Variants in ADNP observed in about 807,000 individuals in gnomAD.
The protein encoded by ADNP is activity dependent neuroprotector homeobox.
In ADNP, 4 loss-of-function variants were observed where a neutral mutation model predicts 84.9. That is an observed-to-expected ratio of 0.05 (90% CI 0.02 to 0.11). ADNP has a LOEUF of 0.11. Among genes scored for constraint, ADNP ranks in the 10% least tolerant of loss-of-function variants. The pLI is 1.00. For synonymous variants in ADNP, 554 were observed against 468.1 expected, an observed-to-expected ratio of 1.18 and a Z score of -2.37; for missense variants, 1,132 against 1,326.0, an observed-to-expected ratio of 0.85 and a Z score of 2.27.
intron 2 of ADNP, among the ~76,000 whole-genome samples, chr20:50,907,338 C>T (rs935277731): frequency 6.7e-6 from 1 of 149,714 alleles, no homozygotes; most frequent in African/African-American, 2.5e-5. Context: ...CAAATCTTGG[C>T]TCACTGCAAC....
chr20:50,892,220 T>G lies in ADNP; in HGVS notation c.2494A>C (p.Asn832His). Reference sequence around the variant, plus strand: ...AAATCCATCTCATGCTTGACTTTATTTAATTCTTTCATGTTAAACCCCAGC... The same window carrying G: ...AAATCCATCTCATGCTTGACTTTATGTAATTCTTTCATGTTAAACCCCAGC... ...VLLGFNMKEL[N>H]KVKHEMDFDA... Residue 832 changes from asparagine (N) to histidine (H), a missense_variant, in exon 6 of 6, where the codon AAT becomes CAT. By Grantham distance (68) the Asn-to-His change is moderately conservative (BLOSUM62 1). Coordinates refer to ENST00000621696, the MANE Select transcript of ADNP (RefSeq NM_001282531.3). The G allele has an allele frequency of 5.6e-6, 9 of 1,614,204 alleles. No homozygotes were observed. The highest frequency in any genetic ancestry group is 7.6e-6 in the Non-Finnish European group (9 of 1,180,048).
At chr20:50,917,636 T>C (rs1051464917) in intron 2 of ADNP, among the ~76,000 whole-genome samples, 1 of 151,804 alleles carries the variant, frequency 6.6e-6, no homozygotes, top group African/African-American at 2.4e-5. Context: ...AAGGAGGGAG[T>C]TGGTAGGAGC....
At chr20:50,899,947 G>A (rs1465251920) in intron 5 of ADNP, among the ~76,000 whole-genome samples, 1 of 150,284 alleles carries the variant, frequency 6.7e-6, no homozygotes, top group Non-Finnish European at 1.5e-5. Context: ...AGTGTGGAAG[G>A]GGACCCGGGC....
intron 1 of ADNP, among the ~76,000 whole-genome samples, chr20:50,929,602 C>T (rs904684176): frequency 4.6e-5 from 7 of 152,202 alleles, no homozygotes; most frequent in African/African-American, 1.7e-4. Flanking sequence ...CACTCATCGC[C>T]TTTAGCCGAC....
chr20:50,927,635 A>G (rs767947853), intron 2 of ADNP, among the ~76,000 whole-genome samples: 1 of 150,692 alleles, frequency 6.6e-6, no homozygotes, highest in Non-Finnish European at 1.5e-5. Context: ...GCCTCAAGTG[A>G]TTCTCCTGCC....
At chr20:50,930,055 G>A (rs973583771) in intron 1 of ADNP, among the ~76,000 whole-genome samples, 3 of 151,958 alleles carry the variant, frequency 2.0e-5, no homozygotes, top group South Asian at 2.1e-4. Context: ...GGGAGGGGAA[G>A]GCAGGCAGGC....
rs1600979066 is a variant in ADNP at position 50,914,493 on chromosome 20, G to A, written c.-89-9644C>T. 5 of 340,278 alleles carry A rather than the reference G, an allele frequency of 1.5e-5. No homozygotes were observed. The East Asian group carries it at 3.3e-4, about 23-fold the overall frequency. The allele number at this position is 340,278 out of a possible 1,614,324, so 21.1% of individuals were successfully genotyped here. On this transcript the variant is annotated intron_variant, in intron 2 of 5. Transcript: ENST00000621696. ...TGGGCACAGGACATCATCTACAAAT[G>A]TTTTCTCACCTTCAAAGTCTTATAA...
At chr20:50,909,271 G>C (rs1002018321) in intron 2 of ADNP, among the ~76,000 whole-genome samples, 2 of 146,380 alleles carry the variant, frequency 1.4e-5, no homozygotes, top group Admixed American at 1.4e-4. Flanking sequence ...GCTGAGGCAG[G>C]AGAATCGCTT....
chr20:50,917,430 G>C (rs1474737), intron 2 of ADNP, among the ~76,000 whole-genome samples: 12,622 of 152,258 alleles, frequency 0.083, 752 homozygotes, highest in Admixed American at 0.14. Flanking sequence ...CACATTTGAA[G>C]AATCTCTTTC....
At chr20:50,899,677 T>C (rs73128496) in intron 5 of ADNP, among the ~76,000 whole-genome samples, 33,693 of 151,800 alleles carry the variant, frequency 0.22, 4,001 homozygotes, top group Non-Finnish European at 0.26. Flanking sequence ...CCTGAAAACC[T>C]TCCAGTGAGA....
At chr20:50,917,843 C>CAT (rs1457185522) in intron 2 of ADNP, among the ~76,000 whole-genome samples, 1 of 152,112 alleles carries the variant, frequency 6.6e-6, no homozygotes, top group Non-Finnish European at 1.5e-5. Flanking sequence ...GAAATGTGGT[C>CAT]ATATCCACAT....
chr20:50,930,357 C>T (rs1438595422), intron 1 of ADNP, among the ~76,000 whole-genome samples: 2 of 152,072 alleles, frequency 1.3e-5, no homozygotes, highest in Non-Finnish European at 2.9e-5. Context: ...CCGCCCCCCC[C>T]AACCCCGTCC....
chr20:50,893,875 C>T lies in ADNP; in HGVS notation c.839G>A (p.Ser280Asn), dbSNP rs369919577. ...ACCGATCCTTGGTGGGAGTCCCATG[C>T]TCTTCTTGTCTTGAGGTTTGGGAGC... Reference protein sequence around the residue: ...LIAPKPQDKKSMGLPPRIGSL... With the variant: ...LIAPKPQDKKNMGLPPRIGSL... The change falls in exon 6 of 6, where the codon AGC (serine) becomes AAC (asparagine). Residue 280 changes from serine (S) to asparagine (N), a missense_variant. Transcript: ENST00000621696. This position sits in a 1 kb window ranked among gnomAD's most constrained non-coding sequence, Gnocchi z 4.4. 8.1e-6 allele frequency: 13 copies of T among 1,614,078 alleles called. No homozygotes were observed. Among genetic ancestry groups the T allele is most frequent in the Non-Finnish European group, 1.1e-5 (13 of 1,180,040 alleles).
chr20:50,907,882 A>AGG (rs1982642917), intron 2 of ADNP, among the ~76,000 whole-genome samples: 1 of 151,994 alleles, frequency 6.6e-6, no homozygotes, highest in Admixed American at 6.6e-5. Flanking sequence ...ACAGGTGTGC[A>AGG]CCACCATGCC....
rs377111646 is a variant in ADNP at position 50,897,525 on chromosome 20, CTT to C, written c.202-3015_202-3014del. On this transcript the variant is annotated intron_variant, in intron 5 of 5. Transcript: ENST00000621696. ...ATCCTTTTAAGTCATGGACAAACCTCTTGAGTGTATTCTTCCAGATGCCATTC... is the reference window on the plus strand; with the variant it reads ...ATCCTTTTAAGTCATGGACAAACCTCGAGTGTATTCTTCCAGATGCCATTC... Among the ~76,000 whole-genome samples the C allele has an allele frequency of 3.3e-4, 50 of 152,308 alleles. No homozygotes were observed. In the South Asian group the frequency reaches 4.8e-3, roughly 15 times the overall value.
At chr20:50,927,686 T>A (rs1230722650) in intron 2 of ADNP, among the ~76,000 whole-genome samples, 1 of 152,060 alleles carries the variant, frequency 6.6e-6, no homozygotes, top group Admixed American at 6.6e-5. Flanking sequence ...GTAAGCCACC[T>A]CACCTGGCCT....
chr20:50,898,231 C>A (rs992524335), intron 5 of ADNP, among the ~76,000 whole-genome samples: 2 of 152,318 alleles, frequency 1.3e-5, no homozygotes, highest in Admixed American at 1.3e-4. Flanking sequence ...TTTACATCAG[C>A]ACTCACAAAC....
intron 1 of ADNP, among the ~76,000 whole-genome samples, chr20:50,930,303 T>C (rs186520247): frequency 6.6e-6 from 1 of 152,048 alleles, no homozygotes; most frequent in African/African-American, 2.4e-5. Flanking sequence ...GGAAGAAGGA[T>C]TGCACAGGGG....
chr20:50,893,298 C>G lies in ADNP; in HGVS notation c.1416G>C (p.Glu472Asp). 6.2e-7 allele frequency: 1 copy of G among 1,614,222 alleles called. No homozygotes were observed. The highest frequency in any genetic ancestry group is 8.5e-7 in the Non-Finnish European group (1 of 1,180,046). ...SVHFEKEHKA[E>D]KVPAVANYIM... is the part of the protein sequence containing the mutation. ...TGTAGTTGGCTACTGCTGGGACTTT[C>G]TCAGCTTTATGTTCTTTTTCGAAGT... The change falls in exon 6 of 6, where the codon GAG becomes GAC. Residue 472 changes from glutamate to aspartate, a missense_variant. By Grantham distance (45) the Glu-to-Asp change is conservative. Around this residue, in one of 10 missense-constraint regions of ADNP, gnomAD observed 87 missense variants for 181.4 expected, o/e 0.48. Transcript: ENST00000621696. This position sits in a 1 kb window ranked among gnomAD's most constrained non-coding sequence, Gnocchi z 4.4.
Sources: allele counts gnomAD v4.1 joint callset (sites outside exome capture counted in the v4.1 genomes callset), GRCh38; gene constraint gnomAD v4.1.1; regional missense constraint gnomAD v4.1.1; non-coding constraint Gnocchi (gnomAD v3.1); transcripts MANE v1.5; gene names NCBI Gene and HGNC (gene_info 2026-07-23, HGNC 2026-07-21).